Variants in UBE2G1 observed in about 807,000 individuals in gnomAD.
The protein encoded by UBE2G1 is ubiquitin conjugating enzyme E2 G1.
Under a neutral mutation model 22.7 loss-of-function variants are expected in UBE2G1, and 5 were observed. The observed-to-expected ratio is 0.22, with a 90% confidence interval of 0.12 to 0.46. The LOEUF is 0.46. Ranked by LOEUF, UBE2G1 falls within the 20% of genes least tolerant of loss-of-function variation. The probability of loss-of-function intolerance (pLI) is 0.99; values close to 1 mark genes in which losing one functional copy is unlikely to be tolerated. For synonymous variants in UBE2G1, 74 were observed against 67.5 expected (o/e 1.10, Z -0.47); for missense variants, 88 against 203.9 (o/e 0.43, Z 3.46).
At chr17:4,350,858 C>T (rs139318606) in intron 1 of UBE2G1, among the ~76,000 whole-genome samples, 362 of 151,936 alleles carry the variant, frequency 2.4e-3, no homozygotes, top group African/African-American at 8.4e-3. Context: ...TGGTGAAACC[C>T]CGCCTCTACT....
At chr17:4,363,036 C>T (rs1159368736) in intron 1 of UBE2G1, among the ~76,000 whole-genome samples, 1 of 152,160 alleles carries the variant, frequency 6.6e-6, no homozygotes, top group Non-Finnish European at 1.5e-5. Context: ...GCAGGAGAAT[C>T]ACTTGAACCC....
chr17:4,362,445 T>C (rs1426239963), intron 1 of UBE2G1, among the ~76,000 whole-genome samples: 1 of 152,164 alleles, frequency 6.6e-6, no homozygotes, highest in East Asian at 1.9e-4. Context: ...CGAATGCTGC[T>C]GAACATTCTA....
chr17:4,363,463 T>C (rs1478048586), intron 1 of UBE2G1, among the ~76,000 whole-genome samples: 13 of 152,158 alleles, frequency 8.5e-5, no homozygotes, highest in Non-Finnish European at 1.6e-4. Context: ...GGACGTTTTA[T>C]TAATATTTGC....
At chr17:4,328,711 G>T (rs1297260295) in intron 1 of UBE2G1, among the ~76,000 whole-genome samples, 3 of 152,182 alleles carry the variant, frequency 2.0e-5, no homozygotes, top group African/African-American at 7.2e-5. Context: ...GTAGAAAATT[G>T]GAATGTAGCT....
At chr17:4,274,975 G>A (rs896041400) in intron 5 of UBE2G1, among the ~76,000 whole-genome samples, 1 of 108,686 alleles carries the variant, frequency 9.2e-6, no homozygotes, top group African/African-American at 3.2e-5. Flanking sequence ...AGTGAGACAT[G>A]AGTGTACCAC....
intron 5 of UBE2G1, among the ~76,000 whole-genome samples, chr17:4,278,957 TA>T (rs1968851840): frequency 6.6e-6 from 1 of 152,114 alleles, no homozygotes; most frequent in African/African-American, 2.4e-5. Flanking sequence ...AAAATTAAGA[TA>T]AACAAGCCAA....
At chr17:4,364,681 G>C (rs1437776443) in intron 1 of UBE2G1, among the ~76,000 whole-genome samples, 1 of 151,800 alleles carries the variant, frequency 6.6e-6, no homozygotes, top group Non-Finnish European at 1.5e-5. Flanking sequence ...CCGCGTTCAA[G>C]CAATTCTCCC....
intron 1 of UBE2G1, among the ~76,000 whole-genome samples, chr17:4,349,654 T>C (rs1009472627): frequency 6.6e-6 from 1 of 151,814 alleles, no homozygotes; most frequent in African/African-American, 2.4e-5. Flanking sequence ...CCATCCTGGC[T>C]AACACGGTGA....
At chr17:4,366,240 G>A in intron 1 of UBE2G1, 31 bp downstream of exon 1, 2 of 1,523,452 alleles carry the variant, frequency 1.3e-6, no homozygotes, top group South Asian at 1.2e-5. Context: ...GATCGCGGCC[G>A]GGCCCGGCGC....
rs376435736 is a variant in UBE2G1, at chr17:4,280,782, C to G, written c.*37+2016G>C. ...CCTCCTAACTGGGACAACAGGCGCA[C>G]GCCACTGTGCCTGGCTAATTTTTTA... On this transcript the variant is annotated intron_variant, in intron 5 of 5. Coordinates refer to ENST00000396981, the MANE Select transcript of UBE2G1 (RefSeq NM_003342.5). Among the ~76,000 whole-genome samples the G allele has an allele frequency of 3.7e-4, 57 of 152,054 alleles. No homozygotes were observed. The South Asian group carries it at 0.012, about 31-fold the overall frequency.
chr17:4,353,002 A>T (rs1342889697), intron 1 of UBE2G1, among the ~76,000 whole-genome samples: 1 of 152,146 alleles, frequency 6.6e-6, no homozygotes, highest in Non-Finnish European at 1.5e-5. Context: ...ACGGATCACG[A>T]GGTCAGGAGA....
At chr17:4,272,655 A>G (rs1169294436) in intron 5 of UBE2G1, 139 bp from the exon 6 acceptor site, 1 of 186,282 alleles carries the variant, frequency 5.4e-6, no homozygotes, top group Non-Finnish European at 1.1e-5. Flanking sequence ...TCTATCTATT[A>G]TGGTAGCTCA....
At chr17:4,292,673 T>C (rs2143703064) in intron 3 of UBE2G1, among the ~76,000 whole-genome samples, 1 of 152,356 alleles carries the variant, frequency 6.6e-6, no homozygotes, top group African/African-American at 2.4e-5. Context: ...GTACTCTTGT[T>C]TTCCCCTGGT....
At chr17:4,346,940 G>T (rs943675508) in intron 1 of UBE2G1, among the ~76,000 whole-genome samples, 1 of 151,666 alleles carries the variant, frequency 6.6e-6, no homozygotes, top group African/African-American at 2.4e-5. Flanking sequence ...ATCACTTGAG[G>T]TCAGGAGTTG....
chr17:4,357,514 G>GT (rs1969921075), intron 1 of UBE2G1, among the ~76,000 whole-genome samples: 1 of 80,176 alleles, frequency 1.2e-5, no homozygotes, highest in African/African-American at 4.5e-5. Flanking sequence ...TGTGTGGGGG[G>GT]GGGGGGTGGG....
intron 5 of UBE2G1, among the ~76,000 whole-genome samples, chr17:4,275,869 C>T (rs976038307): frequency 6.6e-6 from 1 of 152,166 alleles, no homozygotes; most frequent in Non-Finnish European, 1.5e-5. Flanking sequence ...GACTTTTTCC[C>T]CCACACTGGG....
intron 3 of UBE2G1, 119 bp from the exon 4 acceptor site, chr17:4,289,527 GA>G: frequency 8.9e-7 from 1 of 1,117,992 alleles, no homozygotes; most frequent in South Asian, 2.0e-5. Context: ...CACATACGCA[GA>G]AGTTAATGTC....
At chr17:4,283,771 G>A (rs1043029145) in intron 4 of UBE2G1, among the ~76,000 whole-genome samples, 6 of 152,120 alleles carry the variant, frequency 3.9e-5, no homozygotes, top group Middle Eastern at 6.8e-3. Context: ...GGAGGAGAGA[G>A]GAAACAAAGG....
At chr17:4,283,236 G>A (rs1968915299) in intron 4 of UBE2G1, among the ~76,000 whole-genome samples, 1 of 152,240 alleles carries the variant, frequency 6.6e-6, no homozygotes, top group South Asian at 2.1e-4. Flanking sequence ...ATTCAGGCCA[G>A]GGGCCGTGGC....
Sources: gnomAD v4.1 joint callset for allele counts (sites outside exome capture counted in the v4.1 genomes callset) on GRCh38, gnomAD v4.1.1 for gene constraint, MANE v1.5 for transcripts, NCBI Gene and HGNC (gene_info 2026-07-23, HGNC 2026-07-21) for gene names.